The following KCNMA1 variants were observed in gnomAD, a reference collection of about 807,000 sequenced individuals.
KCNMA1 encodes Calcium-activated potassium channel subunit alpha-1.
A neutral mutation model predicts 140.0 loss-of-function variants in KCNMA1; 29 were observed. That is an observed-to-expected ratio of 0.21 (90% CI 0.15 to 0.28). KCNMA1 has a LOEUF of 0.28. Ranked by LOEUF, KCNMA1 falls within the 10% of genes least tolerant of loss-of-function variation. The pLI is 1.00. For synonymous variants in KCNMA1, 612 were observed against 611.9 expected, an observed-to-expected ratio of 1.00 and a Z score of 0.00; for missense variants, 880 against 1,602.2, an observed-to-expected ratio of 0.55 and a Z score of 7.70.
At position 76,955,761 on chromosome 10, in the gene KCNMA1, T is replaced by G. The variant is rs2068019530; in HGVS notation, c.2361-1837A>C. On this transcript the variant is annotated intron_variant, in intron 20 of 27. Transcript: ENST00000286628. Reference sequence around the variant, plus strand: ...TTTGTCCTTGAAGAGTCTTTAACAGTTGCATAGATATCTATTAATATTATC... The same window carrying G: ...TTTGTCCTTGAAGAGTCTTTAACAGGTGCATAGATATCTATTAATATTATC... Among the ~76,000 whole-genome samples the G allele has an allele frequency of 2.0e-5, 3 of 152,160 alleles. No homozygotes were observed. The South Asian group carries it at 6.2e-4, about 32-fold the overall frequency.
chr10:77,244,595 G>T (rs533771426), intron 3 of KCNMA1, among the ~76,000 whole-genome samples: 19 of 152,284 alleles, frequency 1.2e-4, no homozygotes, highest in Non-Finnish European at 2.2e-4. Flanking sequence ...AACAGATCCT[G>T]TCCCCAAAAT....
intron 2 of KCNMA1, among the ~76,000 whole-genome samples, chr10:77,331,921 T>G (rs2086585795): frequency 6.6e-6 from 1 of 152,118 alleles, no homozygotes; most frequent in Admixed American, 6.6e-5. Context: ...ATCTGCTTGT[T>G]TGGTTACCCA....
intron 1 of KCNMA1, among the ~76,000 whole-genome samples, chr10:77,525,229 T>A (rs570573107): frequency 1.3e-5 from 2 of 152,334 alleles, no homozygotes; most frequent in South Asian, 4.1e-4. Flanking sequence ...GACACTGTTG[T>A]AAGTCCTTGG....
intron 1 of KCNMA1, among the ~76,000 whole-genome samples, chr10:77,523,207 C>CCCA (rs1567315648): frequency 6.7e-6 from 1 of 149,252 alleles, no homozygotes; most frequent in Non-Finnish European, 1.5e-5. Flanking sequence ...GGACGTGCCC[C>CCCA]CCCCCCTTGC....
intron 2 of KCNMA1, among the ~76,000 whole-genome samples, chr10:77,385,353 T>C (rs2095563180): frequency 6.6e-6 from 1 of 152,220 alleles, no homozygotes; most frequent in Admixed American, 6.5e-5. Context: ...GAACTTACAG[T>C]TTACTATGTT....
chr10:77,373,310 G>A (rs138487239), intron 2 of KCNMA1, among the ~76,000 whole-genome samples: 4 of 152,118 alleles, frequency 2.6e-5, no homozygotes, highest in Non-Finnish European at 4.4e-5. Flanking sequence ...ACCAACTCTG[G>A]GAGTGTGAGC....
At chr10:77,282,139 T>C (rs184211503) in intron 2 of KCNMA1, among the ~76,000 whole-genome samples, 2 of 152,294 alleles carry the variant, frequency 1.3e-5, no homozygotes, top group Non-Finnish European at 2.9e-5. Flanking sequence ...CTCCCCAGCT[T>C]TTTCCCACTT....
At chr10:77,081,575 G>A (rs1776931850) in intron 12 of KCNMA1, among the ~76,000 whole-genome samples, 1 of 152,092 alleles carries the variant, frequency 6.6e-6, no homozygotes, top group African/African-American at 2.4e-5. Flanking sequence ...AGGCAGCCAG[G>A]GAGCAGCTTT....
intron 1 of KCNMA1, among the ~76,000 whole-genome samples, chr10:77,429,770 T>C (rs2097109971): frequency 6.6e-6 from 1 of 152,140 alleles, no homozygotes; most frequent in African/African-American, 2.4e-5. Context: ...CCAAAGAATA[T>C]TGTGATTTAT....
At chr10:76,914,279 A>C in intron 24 of KCNMA1, 1 of 654,262 alleles carries the variant, frequency 1.5e-6, no homozygotes, top group Non-Finnish European at 2.7e-6. Flanking sequence ...TCTTGGGGGA[A>C]GAGGCCACTC....
chr10:77,438,563 CAA>C (rs1181096294), intron 1 of KCNMA1, among the ~76,000 whole-genome samples: 5 of 103,664 alleles, frequency 4.8e-5, no homozygotes, highest in Admixed American at 9.6e-5. Flanking sequence ...AACTCTGTCT[CAA>C]AAAAAAAAAA....
At chr10:77,122,481 G>T (rs1283463762) in intron 5 of KCNMA1, among the ~76,000 whole-genome samples, 3 of 151,934 alleles carry the variant, frequency 2.0e-5, no homozygotes, top group East Asian at 1.9e-4. Flanking sequence ...ACTTAGCACC[G>T]CTGAAAACCG....
rs546098401 is a variant in KCNMA1 at position 77,426,546 on chromosome 10, G to A, written c.379-22523C>T. On this transcript the variant is annotated intron_variant, in intron 1 of 27. Transcript: ENST00000286628. ...ACAGTCTGCGCTAGAGTTCGTGTTAGTTAAAGATGGATACAGTGTGCTGCT... is the reference window on the plus strand; with the variant it reads ...ACAGTCTGCGCTAGAGTTCGTGTTAATTAAAGATGGATACAGTGTGCTGCT... 2.0e-5 allele frequency among the ~76,000 whole-genome samples: 3 copies of A among 152,354 alleles called. No homozygotes were observed. In the East Asian group the frequency reaches 5.8e-4, roughly 29 times the overall value.
intron 3 of KCNMA1, among the ~76,000 whole-genome samples, chr10:77,225,164 C>A (rs2050914515): frequency 6.6e-6 from 1 of 152,148 alleles, no homozygotes; most frequent in Non-Finnish European, 1.5e-5. Context: ...TGAAAGAGGG[C>A]AGAATGTCAA....
chr10:77,614,609 G>A (rs1478590388), intron 1 of KCNMA1, among the ~76,000 whole-genome samples: 1 of 152,156 alleles, frequency 6.6e-6, no homozygotes, highest in East Asian at 1.9e-4. Flanking sequence ...TCATGTGCTA[G>A]GTGGAACTTT....
intron 24 of KCNMA1, 72 bp downstream of exon 24, chr10:76,914,864 C>T (rs1417476910): frequency 6.9e-6 from 8 of 1,153,606 alleles, no homozygotes; most frequent in Non-Finnish European, 1.0e-5. Context: ...AGAAATAAAC[C>T]AACCTCCTCA....
At chr10:77,567,684 T>C (rs1306648203) in intron 1 of KCNMA1, among the ~76,000 whole-genome samples, 1 of 152,226 alleles carries the variant, frequency 6.6e-6, no homozygotes, top group East Asian at 1.9e-4. Flanking sequence ...GGGGCTGCAG[T>C]GTAACCCAAG....
intron 2 of KCNMA1, among the ~76,000 whole-genome samples, chr10:77,349,629 A>C (rs983205883): frequency 5.3e-5 from 8 of 152,144 alleles, no homozygotes; most frequent in Non-Finnish European, 7.4e-5. Context: ...ACTTATCAGC[A>C]GTTCTTTTGC....
chr10:77,412,639 G>A (rs1458727842), intron 1 of KCNMA1, among the ~76,000 whole-genome samples: 2 of 152,202 alleles, frequency 1.3e-5, no homozygotes, highest in African/African-American at 4.8e-5. Flanking sequence ...TTGAGGCCCA[G>A]CATTGTGAGG....
Sources: allele counts gnomAD v4.1 joint callset (sites outside exome capture counted in the v4.1 genomes callset), GRCh38; gene constraint gnomAD v4.1.1; transcripts MANE v1.5; gene names NCBI Gene and HGNC (gene_info 2026-07-23, HGNC 2026-07-21).